The following MCF2L variants were observed in gnomAD, a reference collection of about 807,000 sequenced individuals.
MCF2L encodes guanine nucleotide exchange factor DBS.
MCF2L carries 97 observed loss-of-function variants against 153.4 expected under a neutral mutation model. The observed-to-expected ratio is 0.63, with a 90% CI of 0.54 to 0.75. The LOEUF (loss-of-function observed/expected upper bound fraction) is 0.75. Among genes scored for constraint, MCF2L ranks in the 30% least tolerant of loss-of-function variants. The probability of loss-of-function intolerance (pLI) is 0.00; values close to 1 mark genes in which losing one functional copy is unlikely to be tolerated. For missense variants in MCF2L, 1,347 were observed against 1,495.2 expected, an observed-to-expected ratio of 0.90 and a Z score of 1.64; for synonymous variants, 659 against 632.2, an observed-to-expected ratio of 1.04 and a Z score of -0.64.
At chr13:113,092,377 C>CAA (rs2142104063) in intron 26 of MCF2L, among the ~76,000 whole-genome samples, 1 of 150,816 alleles carries the variant, frequency 6.6e-6, no homozygotes, top group South Asian at 2.1e-4. Context: ...AGTGTGGTGT[C>CAA]AGAGCCGGGC....
chr13:113,096,411 G>A lies in MCF2L; in HGVS notation c.3116G>A (p.Gly1039Glu). 2.5e-6 allele frequency: 4 copies of A among 1,595,220 alleles called. No homozygotes were observed. The highest frequency in any genetic ancestry group is 1.7e-5 in the Admixed American group (1 of 57,652). The change falls in exon 28 of 30, where the codon GGA (glycine) becomes GAA (glutamate). Residue 1039 changes from glycine (G) to glutamate (E), a missense_variant. Transcript: ENST00000535094. ...KYTVVADHEK[G>E]GPDALRVRSG... Reference sequence around the variant, plus strand: ...ACGGTCGTGGCGGACCACGAGAAGGGAGGCCCCGATGCGCTGCGCGTGAGG... The same window carrying A: ...ACGGTCGTGGCGGACCACGAGAAGGAAGGCCCCGATGCGCTGCGCGTGAGG...
At chr13:113,037,379 G>A (rs900392978) in intron 3 of MCF2L, among the ~76,000 whole-genome samples, 2 of 152,196 alleles carry the variant, frequency 1.3e-5, no homozygotes, top group Admixed American at 1.3e-4. Context: ...CCTGCCCAGC[G>A]GCACCATTTG....
At chr13:113,020,870 G>T (rs1193777895) in intron 2 of MCF2L, among the ~76,000 whole-genome samples, 1 of 99,804 alleles carries the variant, frequency 1.0e-5, no homozygotes, top group Admixed American at 9.3e-5. Context: ...GTGTGTATAT[G>T]TGTGTATGTG....
At chr13:113,083,172 G>A (rs1347488448) in intron 17 of MCF2L, among the ~76,000 whole-genome samples, 1 of 152,168 alleles carries the variant, frequency 6.6e-6, no homozygotes, top group African/African-American at 2.4e-5. Context: ...CAGAATGCCA[G>A]GGAGGCTGCA....
chr13:112,978,796 C>G (rs970091676), intron 1 of MCF2L, among the ~76,000 whole-genome samples: 9 of 152,264 alleles, frequency 5.9e-5, no homozygotes, highest in Admixed American at 1.3e-4. Context: ...CTGCCACCTT[C>G]TCTTCCTGTG....
chr13:113,082,229 C>T (rs527264), intron 16 of MCF2L, among the ~76,000 whole-genome samples, 198 bp from the exon 17 acceptor site: 83,331 of 152,142 alleles, frequency 0.55, 23,352 homozygotes, highest in Non-Finnish European at 0.61. Context: ...AGGGTAGAAC[C>T]TCCACCCCAT....
intron 1 of MCF2L, among the ~76,000 whole-genome samples, chr13:113,004,177 G>A (rs9549629): frequency 2.0e-5 from 3 of 152,246 alleles, no homozygotes; most frequent in Admixed American, 1.3e-4. Flanking sequence ...ATGACCCTCC[G>A]GGGCACAAGT....
intron 26 of MCF2L, chr13:113,094,240 C>T (rs934714680): frequency 1.6e-5 from 4 of 243,646 alleles, no homozygotes; most frequent in Non-Finnish European, 2.4e-5. Flanking sequence ...CTGACAAGGG[C>T]GTGGCTTCCC....
chr13:113,002,065 G>A (rs890778185), intron 1 of MCF2L: 13 of 1,396,692 alleles, frequency 9.3e-6, no homozygotes, highest in Admixed American at 5.4e-5. Flanking sequence ...GGGGGTGGAC[G>A]TTCTGGGCCC....
intron 25 of MCF2L, 53 bp downstream of exon 25, chr13:113,088,681 G>A (rs2034882790): frequency 1.9e-6 from 3 of 1,566,868 alleles, no homozygotes; most frequent in Non-Finnish European, 2.6e-6. Flanking sequence ...GTCCCGAGCA[G>A]GCCATTTGCA....
In MCF2L at chr13:113,031,204, A is replaced by T. The variant is rs1413338462; in HGVS notation, c.278+6446A>T. Among the ~76,000 whole-genome samples the T allele has an allele frequency of 7.0e-6, 1 of 142,272 alleles. No individual in the cohort carries two copies. The highest frequency in any genetic ancestry group is 2.6e-5 in the African/African-American group (1 of 38,936). The allele number at this position is 142,272 out of a possible 152,430, so 93.3% of individuals were successfully genotyped here. A position where few individuals can be genotyped will look rare whatever the true frequency, so the allele number is the denominator to read the frequency against. ...GACAGAGACAGAGAGACAGAGACAG[A>T]CAGAGACAGAGACAGAGAGAGACAG... On this transcript the variant is annotated intron_variant, in intron 3 of 29. Coordinates refer to ENST00000535094, the MANE Select transcript of MCF2L (RefSeq NM_001112732.3). The surrounding 1 kb of genome is among the most constrained non-coding windows in gnomAD (Gnocchi z 5.5).
At chr13:112,946,942 A>T (rs1206511982) in intron 2 of MCF2L, among the ~76,000 whole-genome samples, 1 of 152,198 alleles carries the variant, frequency 6.6e-6, no homozygotes, top group Non-Finnish European at 1.5e-5. Context: ...CCCAGGGAGC[A>T]GTGGCAGGGT....
intron 1 of MCF2L, among the ~76,000 whole-genome samples, chr13:113,007,629 G>A (rs768244691): frequency 5.9e-5 from 9 of 152,254 alleles, no homozygotes; most frequent in African/African-American, 1.4e-4. Context: ...GTGCGGGGCC[G>A]GCTGTACAGA....
chr13:112,971,354 T>C (rs1278491868), intron 1 of MCF2L, among the ~76,000 whole-genome samples: 6 of 152,148 alleles, frequency 3.9e-5, no homozygotes, highest in Non-Finnish European at 7.4e-5. Flanking sequence ...CTTCTCCTTC[T>C]GGGGTCATGC....
chr13:112,935,901 C>A (rs1042897559), intron 2 of MCF2L, among the ~76,000 whole-genome samples: 136 of 152,232 alleles, frequency 8.9e-4, no homozygotes, highest in African/African-American at 3.1e-3. Flanking sequence ...GATGCGGCCA[C>A]AAGCAAAGGA....
At chr13:113,017,848 T>C (rs2084631352) in intron 2 of MCF2L, among the ~76,000 whole-genome samples, 1 of 152,232 alleles carries the variant, frequency 6.6e-6, no homozygotes, top group South Asian at 2.1e-4. Flanking sequence ...TCCCTGGTCT[T>C]TGGATGCCTG....
chr13:113,001,791 A>T, intron 1 of MCF2L: 1 of 1,421,586 alleles, frequency 7.0e-7, no homozygotes, highest in Non-Finnish European at 9.2e-7. Context: ...CAGCAAACCC[A>T]GGAAGGTGTG....
chr13:113,087,506 C>A, intron 22 of MCF2L, 50 bp downstream of exon 22: 2 of 1,455,536 alleles, frequency 1.4e-6, no homozygotes, highest in East Asian at 2.4e-5. Context: ...CAGACCCCGA[C>A]GGGGGAAGTC....
At position 113,058,230 on chromosome 13, in the gene MCF2L, GTGTT is replaced by G. The variant is rs542817009; in HGVS notation, c.370-2360_370-2357del. Among the ~76,000 whole-genome samples the G allele has an allele frequency of 3.6e-3, 533 of 149,760 alleles. 4 individuals are homozygous for G. Among genetic ancestry groups the G allele is most frequent in the African/African-American group, 0.012 (478 of 40,560 alleles). On this transcript the variant is annotated intron_variant, in intron 4 of 29. Transcript: ENST00000535094. ...TGGGCGCTGTGTGTTTGGGCGCTGAGTGTTTGGGTGCTGAGTGTGTGGGCGCTGA... is the reference window on the plus strand; with the variant it reads ...TGGGCGCTGTGTGTTTGGGCGCTGAGTGGGTGCTGAGTGTGTGGGCGCTGA...
Sources: allele counts gnomAD v4.1 joint callset (sites outside exome capture counted in the v4.1 genomes callset), GRCh38; gene constraint gnomAD v4.1.1; non-coding constraint Gnocchi (gnomAD v3.1); transcripts MANE v1.5; gene names NCBI Gene and HGNC (gene_info 2026-07-23, HGNC 2026-07-21).